The following THSD4 variants were observed in gnomAD, a reference collection of about 807,000 sequenced individuals.
THSD4 encodes the protein thrombospondin type-1 domain-containing protein 4.
In THSD4, 69 loss-of-function variants were observed where a neutral mutation model predicts 119.0. That is an observed-to-expected ratio of 0.58 (90% CI 0.48 to 0.71). THSD4 has a LOEUF of 0.71. Ranked by LOEUF, THSD4 falls within the 30% of genes least tolerant of loss-of-function variation. The pLI, the probability that THSD4 is intolerant of heterozygous loss-of-function variation, is 0.00. For synonymous variants in THSD4, 524 were observed against 540.4 expected, an observed-to-expected ratio of 0.97 and a Z score of 0.42; for missense variants, 1,393 against 1,391.1, an observed-to-expected ratio of 1.00 and a Z score of -0.02.
chr15:71,541,403 A>G (rs2048757890), intron 7 of THSD4, among the ~76,000 whole-genome samples: 1 of 152,216 alleles, frequency 6.6e-6, no homozygotes, highest in Non-Finnish European at 1.5e-5. Context: ...CAGATGTATA[A>G]TAATAAATTT....
intron 7 of THSD4, among the ~76,000 whole-genome samples, chr15:71,554,107 T>TTTTC (rs1555426018): frequency 2.0e-5 from 3 of 150,184 alleles, no homozygotes; most frequent in Non-Finnish European, 4.4e-5. Flanking sequence ...TTTTTTTTTT[T>TTTTC]CAGATGGAGT....
At chr15:71,775,464 C>A (rs1326304017) in intron 17 of THSD4, among the ~76,000 whole-genome samples, 1 of 152,174 alleles carries the variant, frequency 6.6e-6, no homozygotes, top group African/African-American at 2.4e-5. Flanking sequence ...AATCTCAGCA[C>A]TTCGGGAGGC....
intron 14 of THSD4, 87 bp from the exon 15 acceptor site, chr15:71,757,815 G>A: frequency 6.5e-7 from 1 of 1,539,700 alleles, no homozygotes; most frequent in Non-Finnish European, 8.8e-7. Flanking sequence ...GGAAAATGAA[G>A]CATTCCATCC....
At chr15:71,327,944 A>G (rs143880130) in intron 6 of THSD4, among the ~76,000 whole-genome samples, 25 of 152,334 alleles carry the variant, frequency 1.6e-4, no homozygotes, top group African/African-American at 6.0e-4. Context: ...TGATTTTTCA[A>G]TTAAACATAC....
intron 3 of THSD4, among the ~76,000 whole-genome samples, chr15:71,180,206 A>G (rs953044307): frequency 3.3e-5 from 5 of 151,796 alleles, no homozygotes; most frequent in African/African-American, 1.2e-4. Context: ...CAGAGTATAA[A>G]GGCAACCCAC....
rs911468756 is a variant in THSD4 at position 71,164,737 on chromosome 15, T to C, written c.99+9805T>C. 8.9e-6 allele frequency: 14 copies of C among 1,581,896 alleles called. No homozygotes were observed. The African/African-American group carries it at 1.8e-4, about 20-fold the overall frequency. On this transcript the variant is annotated intron_variant, in intron 3 of 17. Coordinates refer to ENST00000261862, the MANE Select transcript of THSD4 (RefSeq NM_024817.3). Reference sequence around the variant, plus strand: ...GTGTACAGGGGGGTTAAATGCTTTATAGACAAGAAAAAAAAACTGCGCTAG... The same window carrying C: ...GTGTACAGGGGGGTTAAATGCTTTACAGACAAGAAAAAAAAACTGCGCTAG...
At chr15:71,452,743 G>A (rs530922764) in intron 7 of THSD4, among the ~76,000 whole-genome samples, 1 of 152,014 alleles carries the variant, frequency 6.6e-6, no homozygotes, top group Admixed American at 6.5e-5. Context: ...AGCCTCCCAC[G>A]TAGCTGGGAT....
In THSD4 at chr15:71,660,762, CCGT is replaced by C. The variant is rs140206469; in HGVS notation, c.1357+30_1357+32del. 3,035 of 1,612,504 alleles carry C rather than the reference CCGT, an allele frequency of 1.9e-3. 53 individuals carry two copies. In the African/African-American group the frequency reaches 0.035, roughly 18 times the overall value. ...AAGCTTGGTCTTTTTCCAGAGAAAA[CCGT>C]CTGTCCCTGCCAGATGATGTATTCC... On this transcript the variant is annotated intron_variant, in intron 8 of 17. Coordinates refer to ENST00000261862, the MANE Select transcript of THSD4 (RefSeq NM_024817.3).
At chr15:71,715,774 G>A (rs1168028191) in intron 8 of THSD4, among the ~76,000 whole-genome samples, 1 of 56,312 alleles carries the variant, frequency 1.8e-5, no homozygotes. Context: ...TTAGGCTCTG[G>A]GTTTTTTTTT....
At chr15:71,427,639 G>T (rs1352720390) in intron 7 of THSD4, among the ~76,000 whole-genome samples, 2 of 149,006 alleles carry the variant, frequency 1.3e-5, no homozygotes, top group Non-Finnish European at 3.0e-5. Context: ...AGAAGTTGAG[G>T]TGACCATTTT....
intron 8 of THSD4, among the ~76,000 whole-genome samples, chr15:71,727,303 A>C (rs12915220): frequency 0.53 from 80,762 of 151,820 alleles, 25,729 homozygotes; most frequent in East Asian, 0.81. Context: ...GGAAGGTCAT[A>C]GAAGTGAATG....
At chr15:71,299,972 A>AT (rs1409701282) in intron 6 of THSD4, among the ~76,000 whole-genome samples, 758 of 27,130 alleles carry the variant, frequency 0.028, 5 homozygotes, top group Non-Finnish European at 0.05. Flanking sequence ...AAAAAAAAAA[A>AT]AAAAATATAT....
chr15:71,135,110 T>G (rs796826930), intron 1 of THSD4, among the ~76,000 whole-genome samples: 1 of 141,780 alleles, frequency 7.1e-6, no homozygotes, highest in African/African-American at 2.7e-5. Flanking sequence ...AGTAAACTAT[T>G]GCAAGAACAA....
chr15:71,442,202 C>A (rs1044489534), intron 7 of THSD4, among the ~76,000 whole-genome samples: 7 of 151,956 alleles, frequency 4.6e-5, no homozygotes, highest in African/African-American at 1.7e-4. Context: ...TCGTGATCCA[C>A]CCACCTCAGC....
intron 7 of THSD4, among the ~76,000 whole-genome samples, chr15:71,438,409 A>G (rs1029661362): frequency 6.6e-6 from 1 of 152,096 alleles, no homozygotes; most frequent in Non-Finnish European, 1.5e-5. Flanking sequence ...TCTGGATTTT[A>G]TGTCATAGAA....
chr15:71,567,809 G>A (rs1181032780), intron 7 of THSD4, among the ~76,000 whole-genome samples: 1 of 152,038 alleles, frequency 6.6e-6, no homozygotes, highest in East Asian at 1.9e-4. Context: ...AGGTGTGTGT[G>A]GGTGTGTGTG....
At chr15:71,464,245 C>T (rs1322546731) in intron 7 of THSD4, among the ~76,000 whole-genome samples, 1 of 152,166 alleles carries the variant, frequency 6.6e-6, no homozygotes, top group Non-Finnish European at 1.5e-5. Flanking sequence ...TACATTGCTT[C>T]CCTCTCCACC....
rs1451768662 is a variant in THSD4 at position 71,442,598 on chromosome 15, ATATG to A, written c.1152+30777_1152+30780del. Among the ~76,000 whole-genome samples the A allele has an allele frequency of 1.4e-4, 5 of 36,650 alleles. 2 individuals carry two copies. The highest frequency in any genetic ancestry group is 3.7e-4 in the Non-Finnish European group (5 of 13,636). 24.0% of individuals were successfully genotyped at this position (36,650 alleles called of 152,430 possible). ...AAAAAAAATATATATATATATATAT[ATATG>A]TGTGTGTGTGTGTGTGTATATATAT... On this transcript the variant is annotated intron_variant, in intron 7 of 17. Transcript: ENST00000261862.
In THSD4 at chr15:71,215,075, ACGG is replaced by A. The variant is rs764215317; in HGVS notation, c.152_154del (p.Gly51del). On this transcript the variant is annotated inframe_deletion, in exon 4 of 18. Transcript: ENST00000261862. ...GCGGCGGAGGGCGCCCCCGAGGACG[ACGG>A]CGGCGGCGGCGCCCCGGGAGTGTGG... 29 of 1,300,802 alleles carry A rather than the reference ACGG, an allele frequency of 2.2e-5. No homozygotes were observed. Among genetic ancestry groups the A allele is most frequent in the South Asian group, 1.5e-4 (6 of 39,734 alleles). 80.6% of individuals were successfully genotyped at this position (1,300,802 alleles called of 1,614,324 possible).
Sources: allele counts gnomAD v4.1 joint callset (sites outside exome capture counted in the v4.1 genomes callset), GRCh38; gene constraint gnomAD v4.1.1; transcripts MANE v1.5; gene names NCBI Gene and HGNC (gene_info 2026-07-23, HGNC 2026-07-21).